Variants in GPRC5B observed in about 807,000 individuals in gnomAD.
GPRC5B encodes the protein G protein-coupled receptor class C group 5 member B.
In GPRC5B, 16 loss-of-function variants were observed where a neutral mutation model predicts 30.1. The ratio of observed to expected loss-of-function variants is 0.53; its 90% CI spans 0.36 to 0.81. The LOEUF (loss-of-function observed/expected upper bound fraction) is 0.81. Ranked by LOEUF, GPRC5B falls within the 30% of genes least tolerant of loss-of-function variation. The pLI is 0.01. For synonymous variants in GPRC5B, 241 were observed against 239.5 expected (o/e 1.01, Z -0.06); for missense variants, 428 against 544.7 (o/e 0.79, Z 2.13).
chr16:19,872,053 C>T lies in GPRC5B; in HGVS notation c.793G>A (p.Asp265Asn), dbSNP rs143944741. The T allele has an allele frequency of 1.2e-6, 2 of 1,613,980 alleles. No individual in the cohort carries two copies. Among genetic ancestry groups the T allele is most frequent in the African/African-American group, 1.3e-5 (1 of 75,030 alleles). Residue 265 changes from aspartate to asparagine, a missense_variant, in exon 2 of 4, where the codon GAT becomes AAT. Coordinates refer to ENST00000300571, the MANE Select transcript of GPRC5B (RefSeq NM_016235.3). This position sits in a 1 kb window ranked among gnomAD's most constrained non-coding sequence, Gnocchi z 5.0. ...GCCAAGGTGGGGTCGTTCCAGGCATCCCCCTGCTGCAGCTTGACATTGCCG... is the reference window on the plus strand; with the variant it reads ...GCCAAGGTGGGGTCGTTCCAGGCATTCCCCTGCTGCAGCTTGACATTGCCG... ...LFGNVKLQQG[D>N]AWNDPTLAIT...
intron 3 of GPRC5B, among the ~76,000 whole-genome samples, chr16:19,860,964 C>T (rs73538507): frequency 0.042 from 6,366 of 151,660 alleles, 424 homozygotes; most frequent in African/African-American, 0.15. Flanking sequence ...TTTAAGAATG[C>T]AAATCTGTGA....
Position 19,872,495 on chromosome 16 carries a change from C to T in GPRC5B, c.351G>A (p.Glu117=), listed in dbSNP as rs373623909. 1.2e-5 allele frequency: 20 copies of T among 1,613,844 alleles called. 1 individual carries two copies. Among genetic ancestry groups the T allele is most frequent in the Non-Finnish European group, 1.7e-5 (20 of 1,179,872 alleles). ...FGLTFAFIIQ[E]DETICSVRRF... is the part of the protein sequence containing the mutation. ...GGCGGACAGAGCAGATGGTCTCGTC[C>T]TCCTGGATGATGAAGGCAAACGTCA... is the stretch of plus-strand genomic sequence containing the variant. The change falls in exon 2 of 4, where the codon GAG becomes GAA. Residue 117 remains glutamate (E), a synonymous_variant. Transcript: ENST00000300571. The surrounding 1 kb of genome is among the most constrained non-coding windows in gnomAD (Gnocchi z 5.0).
In GPRC5B at chr16:19,858,518, C is replaced by G. The variant is rs1437777235; in HGVS notation, c.*1982G>C. The stretch of plus-strand genomic sequence containing the variant: ...TGGTATCAGAAAGCTCCAAAGGACT[C>G]CAGAGAGCGGGGGTGAGTAACCATT... On this transcript the variant is annotated 3_prime_UTR_variant, in exon 4 of 4. Coordinates refer to ENST00000300571, the MANE Select transcript of GPRC5B (RefSeq NM_016235.3). 2 of 693,672 alleles carry G rather than the reference C, an allele frequency of 2.9e-6. No individual in the cohort carries two copies. Among genetic ancestry groups the G allele is most frequent in the Admixed American group, 2.1e-5 (1 of 48,736 alleles). The allele number at this position is 693,672 out of a possible 1,614,324, so 43.0% of individuals were successfully genotyped here. A position where few individuals can be genotyped will look rare whatever the true frequency, so the allele number is the denominator to read the frequency against.
rs397937342 is a variant in GPRC5B, at chr16:19,857,745, TAAAAAA to T, written c.*2749_*2754del. On this transcript the variant is annotated 3_prime_UTR_variant, in exon 4 of 4. Transcript: ENST00000300571. Reference sequence around the variant, plus strand: ...CAGTGGGTCCTGACGGCATCTGGGCTAAAAAAAAAAAAAAAAAAAAGCACTGGGCGC... The same window carrying T: ...CAGTGGGTCCTGACGGCATCTGGGCTAAAAAAAAAAAAAAGCACTGGGCGC... 3.0e-5 allele frequency: 3 copies of T among 98,632 alleles called. No individual in the cohort carries two copies. Among genetic ancestry groups the T allele is most frequent in the Non-Finnish European group, 4.1e-5 (2 of 49,246 alleles). The allele number at this position is 98,632 out of a possible 1,614,324, so 6.1% of individuals were successfully genotyped here. A position where few individuals can be genotyped will look rare whatever the true frequency, so the allele number is the denominator to read the frequency against.
Position 19,859,359 on chromosome 16 carries a change from C to A in GPRC5B, c.*1141G>T, listed in dbSNP as rs112989312. 1 of 152,242 alleles carries A rather than the reference C, an allele frequency of 6.6e-6. No individual in the cohort carries two copies. Among genetic ancestry groups the A allele is most frequent in the Non-Finnish European group, 1.5e-5 (1 of 67,812 alleles). 9.4% of individuals were successfully genotyped at this position (152,242 alleles called of 1,614,324 possible). A position where few individuals can be genotyped will look rare whatever the true frequency, so the allele number is the denominator to read the frequency against. On this transcript the variant is annotated 3_prime_UTR_variant, in exon 4 of 4. Transcript: ENST00000300571. ...TTGGAAAAGGGCTGTTTTCATGGAA[C>A]CTGCAGAAAAACCAAAACAAAATAT...
intron 2 of GPRC5B, among the ~76,000 whole-genome samples, chr16:19,865,415 G>T (rs989901951): frequency 6.6e-6 from 1 of 152,156 alleles, no homozygotes; most frequent in Non-Finnish European, 1.5e-5. Context: ...CCATCAAAAG[G>T]TTCTTGAAAA....
intron 1 of GPRC5B, among the ~76,000 whole-genome samples, chr16:19,873,442 C>A (rs1026813488): frequency 7.0e-6 from 1 of 142,190 alleles, no homozygotes; most frequent in Non-Finnish European, 1.5e-5. Flanking sequence ...CCAGCTTGGG[C>A]GACAGAGCTA....
In GPRC5B at chr16:19,856,797, G is replaced by A; in HGVS notation, c.*3703C>T. On this transcript the variant is annotated 3_prime_UTR_variant, in exon 4 of 4. Coordinates refer to ENST00000300571, the MANE Select transcript of GPRC5B (RefSeq NM_016235.3). Reference sequence around the variant, plus strand: ...TTCATTCATCCAGATTACTTCTTCAGTGCCTCAGGAGTATTCTTCTACACC... The same window carrying A: ...TTCATTCATCCAGATTACTTCTTCAATGCCTCAGGAGTATTCTTCTACACC... 4.2e-6 allele frequency: 2 copies of A among 476,618 alleles called. No homozygotes were observed. The highest frequency in any genetic ancestry group is 3.8e-5 in the Admixed American group (1 of 26,398). 29.5% of individuals were successfully genotyped at this position (476,618 alleles called of 1,614,324 possible). A position where few individuals can be genotyped will look rare whatever the true frequency, so the allele number is the denominator to read the frequency against.
chr16:19,885,155 C>T (rs1187606128), upstream of GPRC5B: 4 of 1,241,348 alleles, frequency 3.2e-6, no homozygotes, highest in Non-Finnish European at 4.2e-6. The surrounding 1 kb of genome is among the most constrained non-coding windows in gnomAD (Gnocchi z 5.3). Context: ...GGGCAACTCC[C>T]CAGGGTAGAT....
rs566219363 is a variant in GPRC5B, at chr16:19,858,125, G to A, written c.*2375C>T. On this transcript the variant is annotated 3_prime_UTR_variant, in exon 4 of 4. Coordinates refer to ENST00000300571, the MANE Select transcript of GPRC5B (RefSeq NM_016235.3). ...TTGTCTTTAAACCTTGCTCCACGGG[G>A]GGCAGCTGGCTGCTACAGTCTCTTG... The A allele has an allele frequency of 3.1e-5, 6 of 192,622 alleles. No individual in the cohort carries two copies. In the South Asian group the frequency reaches 9.5e-4, roughly 31 times the overall value. The allele number at this position is 192,622 out of a possible 1,614,324, so 11.9% of individuals were successfully genotyped here. A position where few individuals can be genotyped will look rare whatever the true frequency, so the allele number is the denominator to read the frequency against.
intron 1 of GPRC5B, among the ~76,000 whole-genome samples, chr16:19,882,932 AC>A (rs1172041492): frequency 6.6e-6 from 1 of 151,058 alleles, no homozygotes; most frequent in Non-Finnish European, 1.5e-5. Context: ...TTCCTCCAAG[AC>A]CTCCCAGCGG....
In GPRC5B at chr16:19,861,922, C is replaced by T; in HGVS notation, c.1082G>A (p.Gly361Asp). The T allele has an allele frequency of 6.2e-7, 1 of 1,613,332 alleles. No individual in the cohort carries two copies. Among genetic ancestry groups the T allele is most frequent in the Non-Finnish European group, 8.5e-7 (1 of 1,179,398 alleles). ...PNGSLGKRPS[G>D]SLGKRPSAPF... ...AGCGCTGGGTCTTTTCCCCAAGCTGCCACTGGGTCTTTTTCCCAAGCTGCC... is the reference window on the plus strand; with the variant it reads ...AGCGCTGGGTCTTTTCCCCAAGCTGTCACTGGGTCTTTTTCCCAAGCTGCC... Residue 361 changes from glycine to aspartate, a missense_variant, in exon 3 of 4, where the codon GGC (glycine) becomes GAC (aspartate). This residue lies in a region of GPRC5B where 213 missense variants were observed against 229.1 expected (regional missense o/e 0.93). Transcript: ENST00000300571.
upstream of GPRC5B, chr16:19,885,282 G>A: frequency 7.8e-7 from 1 of 1,279,192 alleles, no homozygotes; most frequent in Non-Finnish European, 1.0e-6. This position sits in a 1 kb window ranked among gnomAD's most constrained non-coding sequence, Gnocchi z 5.3. Context: ...GGGTTCATAA[G>A]CAGTAACTTC....
At chr16:19,882,612 C>T (rs1370784343) in intron 1 of GPRC5B, among the ~76,000 whole-genome samples, 1 of 152,194 alleles carries the variant, frequency 6.6e-6, no homozygotes, top group Admixed American at 6.5e-5. Flanking sequence ...CAGCGTCTCT[C>T]TATCCCCATG....
Position 19,872,169 on chromosome 16 carries a change from A to C in GPRC5B, c.677T>G (p.Phe226Cys). The change falls in exon 2 of 4, where the codon TTC (phenylalanine) becomes TGC (cysteine). Residue 226 changes from phenylalanine to cysteine, a missense_variant. Coordinates refer to ENST00000300571, the MANE Select transcript of GPRC5B (RefSeq NM_016235.3). This position sits in a 1 kb window ranked among gnomAD's most constrained non-coding sequence, Gnocchi z 5.0. Reference sequence around the variant, plus strand: ...GGCCCCGTTCAGCTTCCACCTCTTGAACTTGCCGCACAGAGTGAAGAGGGC... The same window carrying C: ...GGCCCCGTTCAGCTTCCACCTCTTGCACTTGCCGCACAGAGTGAAGAGGGC... ...GLALFTLCGK[F>C]KRWKLNGAFL... 1.9e-6 allele frequency: 3 copies of C among 1,614,126 alleles called. No homozygotes were observed. The highest frequency in any genetic ancestry group is 2.5e-6 in the Non-Finnish European group (3 of 1,180,008).
In GPRC5B at chr16:19,872,409, C is replaced by T. The variant is rs565486943; in HGVS notation, c.437G>A (p.Arg146His). The change falls in exon 2 of 4, where the codon CGC becomes CAC. Residue 146 changes from arginine (R) to histidine (H), a missense_variant. Physicochemically the swap from Arg to His is conservative, Grantham distance 29. Around this residue, in one of 3 missense-constraint regions of GPRC5B, gnomAD observed 196 missense variants for 272.6 expected, o/e 0.72. Transcript: ENST00000300571. The surrounding 1 kb of genome is among the most constrained non-coding windows in gnomAD (Gnocchi z 5.0). ...GCCATGCCGCACCAGCCTCCGCACG[C>T]GCCATGCCTGGCTCAGCAGGCAGGA... is the stretch of plus-strand genomic sequence containing the variant. ...CFSCLLSQAW[R>H]VRRLVRHGTG... is the part of the protein sequence containing the mutation. 4.2e-5 allele frequency: 67 copies of T among 1,613,592 alleles called. No homozygotes were observed. Among genetic ancestry groups the T allele is most frequent in the South Asian group, 8.8e-5 (8 of 91,044 alleles).
intron 1 of GPRC5B, among the ~76,000 whole-genome samples, chr16:19,873,062 A>T (rs1308860941): frequency 6.6e-6 from 1 of 152,136 alleles, no homozygotes; most frequent in Admixed American, 6.6e-5. Context: ...AGAACCGTGA[A>T]TCATCATCAC....
rs1203721896 is a variant in GPRC5B at position 19,858,201 on chromosome 16, GCT to G, written c.*2297_*2298del. ...AGGTGTAGTCATTAGAAAAAGAACA[GCT>G]CTCTCCCTTCTCCTCTCACTCCCGC... On this transcript the variant is annotated 3_prime_UTR_variant, in exon 4 of 4. Coordinates refer to ENST00000300571, the MANE Select transcript of GPRC5B (RefSeq NM_016235.3). 3.2e-6 allele frequency: 1 copy of G among 312,286 alleles called. No individual in the cohort carries two copies. The highest frequency in any genetic ancestry group is 2.1e-5 in the African/African-American group (1 of 46,812). The allele number at this position is 312,286 out of a possible 1,614,324, so 19.3% of individuals were successfully genotyped here.
chr16:19,872,937 C>T lies in GPRC5B; in HGVS notation c.-1-91G>A. On this transcript the variant is annotated intron_variant, in intron 1 of 3. Coordinates refer to ENST00000300571, the MANE Select transcript of GPRC5B (RefSeq NM_016235.3). The surrounding 1 kb of genome is among the most constrained non-coding windows in gnomAD (Gnocchi z 5.0). The stretch of plus-strand genomic sequence containing the variant: ...CTCCTGACTTCTTGAAGAAGACTCG[C>T]CTCATTTCAAACCTGCAAGCGCACA... The T allele has an allele frequency of 1.1e-6, 1 of 936,732 alleles. No individual in the cohort carries two copies. The highest frequency in any genetic ancestry group is 1.6e-6 in the Non-Finnish European group (1 of 609,240). The allele number at this position is 936,732 out of a possible 1,614,324, so 58.0% of individuals were successfully genotyped here. A position where few individuals can be genotyped will look rare whatever the true frequency, so the allele number is the denominator to read the frequency against.
Sources: allele counts gnomAD v4.1 joint callset (sites outside exome capture counted in the v4.1 genomes callset), GRCh38; gene constraint gnomAD v4.1.1; regional missense constraint gnomAD v4.1.1; non-coding constraint Gnocchi (gnomAD v3.1); transcripts MANE v1.5; gene names NCBI Gene and HGNC (gene_info 2026-07-23, HGNC 2026-07-21).